NSMCE2: variants seen among roughly 807,000 people sequenced by gnomAD.
NSMCE2 encodes NSE2 SUMO ligase component of SMC5/6 complex, also known as E3 SUMO-protein ligase NSE2.
Under a neutral mutation model 23.8 loss-of-function variants are expected in NSMCE2, and 24 were observed. The ratio of observed to expected loss-of-function variants is 1.01; its 90% CI spans 0.73 to 1.42. NSMCE2 has a LOEUF of 1.42. Ranked by LOEUF, NSMCE2 falls within the 40% of genes most tolerant of loss-of-function variation. The pLI, the probability that NSMCE2 is intolerant of heterozygous loss-of-function variation, is 0.00. For missense variants in NSMCE2, 284 were observed against 296.5 expected (o/e 0.96, Z 0.31); for synonymous variants, 92 against 94.1 (o/e 0.98, Z 0.13).
chr8:125,259,971 G>C (rs1826617994), intron 5 of NSMCE2, among the ~76,000 whole-genome samples: 1 of 152,220 alleles, frequency 6.6e-6, no homozygotes, highest in South Asian at 2.1e-4. Flanking sequence ...TTCTCTTATA[G>C]ATGAAGCAAC....
In NSMCE2 at chr8:125,251,324, A is replaced by G. The variant is rs147337918; in HGVS notation, c.418+69068A>G. Among the ~76,000 whole-genome samples the G allele has an allele frequency of 2.1e-3, 322 of 152,322 alleles. 3 individuals are homozygous for G. The East Asian group carries it at 0.032, about 15-fold the overall frequency. On this transcript the variant is annotated intron_variant, in intron 5 of 7. Coordinates refer to ENST00000287437, the MANE Select transcript of NSMCE2 (RefSeq NM_173685.4). ...AGAAAATGCCCACAAATGAACTGGA[A>G]AAAAAAGTATTTTCAAAAAGAAAAC...
intron 5 of NSMCE2, among the ~76,000 whole-genome samples, chr8:125,340,013 T>TG (rs1554640778): frequency 4.7e-5 from 2 of 42,828 alleles, no homozygotes; most frequent in Non-Finnish European, 1.0e-4. Context: ...TTTTTTTTTG[T>TG]TTTTTTTTTT....
At chr8:125,356,366 G>A (rs370728280) in intron 5 of NSMCE2, among the ~76,000 whole-genome samples, 2 of 110,938 alleles carry the variant, frequency 1.8e-5, no homozygotes, top group African/African-American at 7.1e-5. Context: ...GTCTCGCTCT[G>A]TCACCAGACT....
intron 5 of NSMCE2, among the ~76,000 whole-genome samples, chr8:125,256,280 TC>T (rs1826406916): frequency 9.4e-6 from 1 of 106,652 alleles, no homozygotes; most frequent in South Asian, 3.1e-4. Context: ...AGACTCCGTC[TC>T]AAAAAAAAAA....
intron 4 of NSMCE2, among the ~76,000 whole-genome samples, chr8:125,179,866 C>G (rs1278354521): frequency 6.6e-6 from 1 of 152,192 alleles, no homozygotes; most frequent in African/African-American, 2.4e-5. Context: ...GTGTTAGAGA[C>G]TTTGTTGGAA....
At chr8:125,231,606 T>C (rs1825326010) in intron 5 of NSMCE2, among the ~76,000 whole-genome samples, 1 of 152,184 alleles carries the variant, frequency 6.6e-6, no homozygotes, top group African/African-American at 2.4e-5. Context: ...TAAAAGATTC[T>C]GAAAAAGTGG....
chr8:125,359,912 G>A (rs143972366), intron 7 of NSMCE2, among the ~76,000 whole-genome samples: 2 of 152,214 alleles, frequency 1.3e-5, no homozygotes, highest in African/African-American at 2.4e-5. Context: ...TACTCCAATA[G>A]CAATGCAGAG....
At chr8:125,326,454 T>C (rs1193029433) in intron 5 of NSMCE2, among the ~76,000 whole-genome samples, 4 of 152,046 alleles carry the variant, frequency 2.6e-5, no homozygotes, top group Admixed American at 2.6e-4. Context: ...CATATATGTA[T>C]ATATAGTTTG....
intron 5 of NSMCE2, among the ~76,000 whole-genome samples, chr8:125,250,681 T>C (rs1246015116): frequency 6.6e-6 from 1 of 152,172 alleles, no homozygotes. Context: ...GATGGAATCT[T>C]GTTCTTTCAC....
At position 125,304,523 on chromosome 8, in the gene NSMCE2, G is replaced by A. The variant is rs557439447; in HGVS notation, c.419-52696G>A. Among the ~76,000 whole-genome samples, 22 of 152,312 alleles carry A rather than the reference G, an allele frequency of 1.4e-4. No homozygotes were observed. The South Asian group carries it at 1.4e-3, about 10-fold the overall frequency. ...AAAGATGAGGGCCTGCCTGAAGGCA[G>A]TGGAGGTGCAGAGGAAGGATCCAGG... On this transcript the variant is annotated intron_variant, in intron 5 of 7. Coordinates refer to ENST00000287437, the MANE Select transcript of NSMCE2 (RefSeq NM_173685.4).
chr8:125,200,232 A>C (rs953798386), intron 5 of NSMCE2, among the ~76,000 whole-genome samples: 1 of 152,018 alleles, frequency 6.6e-6, no homozygotes, highest in African/African-American at 2.4e-5. Flanking sequence ...TTAGCTGGTT[A>C]TTTTGCCCGT....
chr8:125,281,329 G>A (rs1378136887), intron 5 of NSMCE2, among the ~76,000 whole-genome samples: 1 of 152,178 alleles, frequency 6.6e-6, no homozygotes, highest in Non-Finnish European at 1.5e-5. Context: ...AGATGGATCT[G>A]TCAGTTTACT....
At chr8:125,353,742 G>A (rs946846287) in intron 5 of NSMCE2, among the ~76,000 whole-genome samples, 1 of 151,704 alleles carries the variant, frequency 6.6e-6, no homozygotes, top group African/African-American at 2.4e-5. Context: ...AATTAGCTGG[G>A]CCTGGTGGTG....
At chr8:125,357,960 CT>C (rs1184567703) in intron 7 of NSMCE2, 142 bp downstream of exon 7, 5 of 638,388 alleles carry the variant, frequency 7.8e-6, no homozygotes, top group Non-Finnish European at 1.4e-5. Context: ...TGGAAGTGGG[CT>C]TTCTGGAAAA....
intron 4 of NSMCE2, among the ~76,000 whole-genome samples, chr8:125,176,629 A>G (rs1429349144): frequency 6.6e-6 from 1 of 152,240 alleles, no homozygotes; most frequent in African/African-American, 2.4e-5. Context: ...AGATAATAAT[A>G]GTAACAACAA....
intron 1 of NSMCE2, among the ~76,000 whole-genome samples, chr8:125,096,231 A>G (rs890574442): frequency 1.2e-4 from 19 of 152,212 alleles, no homozygotes; most frequent in Admixed American, 9.8e-4. Flanking sequence ...TGCCTTGGGT[A>G]CAGTCATAGG....
At chr8:125,341,190 G>A (rs1830231483) in intron 5 of NSMCE2, among the ~76,000 whole-genome samples, 1 of 152,142 alleles carries the variant, frequency 6.6e-6, no homozygotes, top group Non-Finnish European at 1.5e-5. Flanking sequence ...TGCGGGAGGG[G>A]CACTCATTAC....
chr8:125,293,033 T>A (rs1828174927), intron 5 of NSMCE2, among the ~76,000 whole-genome samples: 1 of 152,234 alleles, frequency 6.6e-6, no homozygotes, highest in Admixed American at 6.5e-5. Context: ...CTGGTTTAGG[T>A]CTGATACCAT....
At position 125,170,738 on chromosome 8, in the gene NSMCE2, T is replaced by C. The variant is rs76255826; in HGVS notation, c.265-11365T>C. Among the ~76,000 whole-genome samples, 1,052 of 152,152 alleles carry C rather than the reference T, an allele frequency of 6.9e-3. 40 individuals carry two copies. The highest frequency in any genetic ancestry group is 0.059 in the Admixed American group (898 of 15,284). On this transcript the variant is annotated intron_variant, in intron 4 of 7. Transcript: ENST00000287437. ...TATTATTTCTACCTACAACATGTAT[T>C]TAGAGTCTAACCACCTCTCACTGTT...
Sources: gnomAD v4.1 joint callset for allele counts (sites outside exome capture counted in the v4.1 genomes callset) on GRCh38, gnomAD v4.1.1 for gene constraint, MANE v1.5 for transcripts, NCBI Gene and HGNC (gene_info 2026-07-23, HGNC 2026-07-21) for gene names.